MIB1: variants seen among roughly 807,000 people sequenced by gnomAD.
MIB1 encodes the protein E3 ubiquitin-protein ligase MIB1.
In MIB1, 278 loss-of-function variants were observed where a neutral mutation model predicts 124.5. That is an observed-to-expected ratio of 2.23 (90% CI 2.02 to 2.47). The LOEUF is 2.47. Ranked by LOEUF, MIB1 falls within the 30% of genes most tolerant of loss-of-function variation. The probability of loss-of-function intolerance (pLI) is 0.00; values close to 1 mark genes in which losing one functional copy is unlikely to be tolerated. For synonymous variants in MIB1, 446 were observed against 429.4 expected (o/e 1.04, Z -0.48); for missense variants, 957 against 1,254.4 (o/e 0.76, Z 3.58).
At chr18:21,855,957 G>A (rs1003600311) in intron 18 of MIB1, among the ~76,000 whole-genome samples, 30 of 152,184 alleles carry the variant, frequency 2.0e-4, no homozygotes, top group African/African-American at 7.0e-4. Flanking sequence ...AGGGCCGGGC[G>A]CGGTGGCTCA....
At chr18:21,805,086 C>T (rs979586974) in intron 10 of MIB1, among the ~76,000 whole-genome samples, 1 of 152,090 alleles carries the variant, frequency 6.6e-6, no homozygotes, top group Admixed American at 6.6e-5. Flanking sequence ...GTTCTCAGCT[C>T]ACTGCAACCT....
intron 4 of MIB1, among the ~76,000 whole-genome samples, chr18:21,777,351 C>T (rs981477138): frequency 8.6e-5 from 13 of 151,052 alleles, no homozygotes; most frequent in East Asian, 2.0e-4. Context: ...ACCCAGGAGG[C>T]GGAGGTTGCA....
chr18:21,741,502 C>A lies in MIB1; in HGVS notation c.-82C>A, dbSNP rs1412604350. 1 of 1,056,048 alleles carries A rather than the reference C, an allele frequency of 9.5e-7. No homozygotes were observed. The highest frequency in any genetic ancestry group is 1.2e-6 in the Non-Finnish European group (1 of 822,850). 65.4% of individuals were successfully genotyped at this position (1,056,048 alleles called of 1,614,324 possible). A position where few individuals can be genotyped will look rare whatever the true frequency, so the allele number is the denominator to read the frequency against. On this transcript the variant is annotated 5_prime_UTR_variant, in exon 1 of 21. Transcript: ENST00000261537. This position sits in a 1 kb window ranked among gnomAD's most constrained non-coding sequence, Gnocchi z 5.4. ...CCCCGCCGACGCCTAGAGTCCGGCC[C>A]GGGCCCAACTCCCTCACGGGCCCCC...
rs533248856 is a variant in MIB1 at position 21,798,311 on chromosome 18, A to G, written c.1237+83A>G. The stretch of plus-strand genomic sequence containing the variant: ...AATTCCCCAGTTCTCATATACAGAT[A>G]ATGTTGTACATGTGCTTGGCTTTGT... On this transcript the variant is annotated intron_variant, in intron 8 of 20. Coordinates refer to ENST00000261537, the MANE Select transcript of MIB1 (RefSeq NM_020774.4). 3.4e-5 allele frequency: 45 copies of G among 1,326,518 alleles called. No homozygotes were observed. The African/African-American group carries it at 6.4e-4, about 19-fold the overall frequency. The allele number at this position is 1,326,518 out of a possible 1,614,324, so 82.2% of individuals were successfully genotyped here. A position where few individuals can be genotyped will look rare whatever the true frequency, so the allele number is the denominator to read the frequency against.
In MIB1 at chr18:21,741,454, C is replaced by G; in HGVS notation, c.-130C>G. 1 of 445,986 alleles carries G rather than the reference C, an allele frequency of 2.2e-6. No individual in the cohort carries two copies. Among genetic ancestry groups the G allele is most frequent in the Non-Finnish European group, 3.4e-6 (1 of 291,258 alleles). The allele number at this position is 445,986 out of a possible 1,614,324, so 27.6% of individuals were successfully genotyped here. On this transcript the variant is annotated 5_prime_UTR_variant, in exon 1 of 21. Transcript: ENST00000261537. This position sits in a 1 kb window ranked among gnomAD's most constrained non-coding sequence, Gnocchi z 5.4. ...CCGCCGCCCCCGTGAGTTATTCTCA[C>G]GTCCCCCGGGGCTCGCTGCCGCCCC...
At chr18:21,842,091 CAAAAAAA>C (rs376834305) in intron 13 of MIB1, among the ~76,000 whole-genome samples, 5 of 35,680 alleles carry the variant, frequency 1.4e-4, no homozygotes, top group African/African-American at 3.5e-4. Context: ...GACCCTATCT[CAAAAAAA>C]AAAAAAAAAA....
In MIB1 at chr18:21,799,951, T is replaced by G; in HGVS notation, c.1348T>G (p.Leu450Val). 1.2e-6 allele frequency: 2 copies of G among 1,611,922 alleles called. No individual in the cohort carries two copies. The highest frequency in any genetic ancestry group is 1.7e-6 in the Non-Finnish European group (2 of 1,178,532). ...TGGAGATGTTGCTAAAGTGGAAGAT[T>G]TGCTTAAAAGACCAGATGTGGATGT... The part of the protein sequence containing the change: ...ANGDVAKVED[L>V]LKRPDVDVNG... The change falls in exon 9 of 21, where the codon TTG becomes GTG. Residue 450 changes from leucine to valine, a missense_variant. Coordinates refer to ENST00000261537, the MANE Select transcript of MIB1 (RefSeq NM_020774.4).
intron 1 of MIB1, among the ~76,000 whole-genome samples, chr18:21,752,231 A>G (rs955962759): frequency 1.2e-4 from 19 of 152,090 alleles, no homozygotes; most frequent in Non-Finnish European, 2.6e-4. Flanking sequence ...GCTCTTGAGG[A>G]CAAGCTCTGC....
At chr18:21,792,410 T>C (rs761951086) in intron 7 of MIB1, among the ~76,000 whole-genome samples, 6 of 152,052 alleles carry the variant, frequency 3.9e-5, no homozygotes, top group African/African-American at 7.2e-5. Context: ...CCTCCTTCTC[T>C]TCCCATCCAG....
chr18:21,778,909 G>T (rs897742137), intron 5 of MIB1, among the ~76,000 whole-genome samples: 6 of 151,900 alleles, frequency 3.9e-5, no homozygotes, highest in Non-Finnish European at 7.4e-5. Context: ...TAAGAAAAAT[G>T]CAAAATCAAC....
intron 10 of MIB1, chr18:21,812,543 A>C (rs547185827): frequency 6.6e-6 from 1 of 152,280 alleles, no homozygotes; most frequent in Admixed American, 6.5e-5. Context: ...TAAATTGAGG[A>C]GTAAAAGCTG....
At chr18:21,784,439 C>T (rs1421207189) in intron 6 of MIB1, among the ~76,000 whole-genome samples, 1 of 152,060 alleles carries the variant, frequency 6.6e-6, no homozygotes, top group Non-Finnish European at 1.5e-5. Context: ...GGACGGCAAG[C>T]CACCTAGTTG....
At chr18:21,845,389 C>T (rs1355313768) in intron 15 of MIB1, among the ~76,000 whole-genome samples, 1 of 152,124 alleles carries the variant, frequency 6.6e-6, no homozygotes, top group Non-Finnish European at 1.5e-5. Flanking sequence ...GTTTTTCTTT[C>T]ATCATTTGTG....
intron 15 of MIB1, among the ~76,000 whole-genome samples, chr18:21,845,359 G>C (rs1238902574): frequency 6.6e-6 from 1 of 152,074 alleles, no homozygotes; most frequent in Non-Finnish European, 1.5e-5. Flanking sequence ...TTTTAATTTT[G>C]AGGAAGTCTA....
At chr18:21,804,067 ACTT>A (rs1163426166) in intron 10 of MIB1, 53 bp downstream of exon 10, 1 of 1,221,810 alleles carries the variant, frequency 8.2e-7, no homozygotes, top group Non-Finnish European at 1.2e-6. Flanking sequence ...TAGAAATAAT[ACTT>A]CTATATCATG....
At chr18:21,779,741 G>A in intron 6 of MIB1, 56 bp downstream of exon 6, 1 of 1,420,722 alleles carries the variant, frequency 7.0e-7, no homozygotes, top group Non-Finnish European at 9.9e-7. Context: ...ATAGAGAAAA[G>A]TCTTAGAGAA....
upstream of MIB1, among the ~76,000 whole-genome samples, chr18:21,739,941 CA>C (rs962958874): frequency 1.3e-5 from 2 of 150,550 alleles, no homozygotes; most frequent in South Asian, 2.1e-4. Flanking sequence ...AAAACAACAA[CA>C]AAAAAAACCA....
intron 1 of MIB1, among the ~76,000 whole-genome samples, chr18:21,709,112 C>T (rs1371129312): frequency 6.6e-6 from 1 of 151,910 alleles, no homozygotes; most frequent in Non-Finnish European, 1.5e-5. Flanking sequence ...GTCAGGAGAT[C>T]GAGACAATCC....
chr18:21,780,001 C>T (rs1430234628), intron 6 of MIB1, among the ~76,000 whole-genome samples: 3 of 152,144 alleles, frequency 2.0e-5, no homozygotes, highest in Non-Finnish European at 4.4e-5. Flanking sequence ...CTGAATACAG[C>T]TTAAAAGTTC....
Sources: allele counts gnomAD v4.1 joint callset (sites outside exome capture counted in the v4.1 genomes callset), GRCh38; gene constraint gnomAD v4.1.1; non-coding constraint Gnocchi (gnomAD v3.1); transcripts MANE v1.5; gene names NCBI Gene and HGNC (gene_info 2026-07-23, HGNC 2026-07-21).